RNF41: variants seen among roughly 807,000 people sequenced by gnomAD.
The protein encoded by RNF41 is ring finger protein 41.
A neutral mutation model predicts 33.0 loss-of-function variants in RNF41; 4 were observed. The ratio of observed to expected loss-of-function variants is 0.12; its 90% confidence interval spans 0.06 to 0.28. The LOEUF (loss-of-function observed/expected upper bound fraction) is 0.28. Among genes scored for constraint, RNF41 ranks in the 10% least tolerant of loss-of-function variants. RNF41 has a pLI of 1.00. For synonymous variants in RNF41, 164 were observed against 153.2 expected, an observed-to-expected ratio of 1.07 and a Z score of -0.52; for missense variants, 228 against 432.6, an observed-to-expected ratio of 0.53 and a Z score of 4.19.
intron 5 of RNF41, 119 bp from the exon 6 acceptor site, chr12:56,207,868 A>G: frequency 2.3e-6 from 2 of 854,710 alleles, no homozygotes; most frequent in East Asian, 2.4e-5. Flanking sequence ...TGTAAGCTTC[A>G]GGAAGACAGG....
intron 1 of RNF41, among the ~76,000 whole-genome samples, chr12:56,219,882 G>C (rs1398917146): frequency 1.3e-5 from 2 of 151,694 alleles, no homozygotes; most frequent in African/African-American, 4.8e-5. Flanking sequence ...GGGCATGATG[G>C]CGTGAGTGCC....
At chr12:56,213,087 G>A in intron 3 of RNF41, 1 of 1,289,658 alleles carries the variant, frequency 7.8e-7, no homozygotes, top group African/African-American at 1.5e-5. Context: ...CCTATTGAAG[G>A]TGGCAGCTTT....
intron 4 of RNF41, among the ~76,000 whole-genome samples, chr12:56,208,817 C>T (rs1030180262): frequency 2.6e-5 from 4 of 151,108 alleles, no homozygotes; most frequent in East Asian, 3.9e-4. Flanking sequence ...CTGCCCCCCT[C>T]GGCCTTCCAA....
At position 56,206,778 on chromosome 12, in the gene RNF41, G is replaced by A; in HGVS notation, c.623C>T (p.Pro208Leu). Residue 208 changes from proline to leucine, a missense_variant, in exon 7 of 7, where the codon CCA (proline) becomes CTA (leucine). Transcript: ENST00000345093. The surrounding 1 kb of genome is among the most constrained non-coding windows in gnomAD (Gnocchi z 5.7). ...EILEWVNSLQ[P>L]ARVTRWGGMI... Reference sequence around the variant, plus strand: ...CCCTCCCCAGCGGGTCACTCTTGCTGGCTGAAGGGAGTTCACCCACCTGTG... The same window carrying A: ...CCCTCCCCAGCGGGTCACTCTTGCTAGCTGAAGGGAGTTCACCCACCTGTG... 1 of 1,613,576 alleles carries A rather than the reference G, an allele frequency of 6.2e-7. No homozygotes were observed.
chr12:56,220,543 GC>G (rs1317425449), intron 1 of RNF41, among the ~76,000 whole-genome samples: 1 of 151,776 alleles, frequency 6.6e-6, no homozygotes, highest in African/African-American at 2.4e-5. Context: ...GACCAGCCTG[GC>G]CAACATGGTG....
Position 56,213,953 on chromosome 12 carries a change from C to A in RNF41, c.90+5G>T, listed in dbSNP as rs762457148. The A allele has an allele frequency of 1.4e-5, 23 of 1,606,756 alleles. No homozygotes were observed. Among genetic ancestry groups the A allele is most frequent in the Non-Finnish European group, 1.7e-5 (20 of 1,173,474 alleles). On this transcript the variant is annotated splice_donor_5th_base_variant and intron_variant, in intron 3 of 6. Coordinates refer to ENST00000345093, the MANE Select transcript of RNF41 (RefSeq NM_005785.4). ...CCCACCAAACCTGCCATCAGACCAA[C>A]TCACCTGTACTGGCTCCTCCAAGAC... is the stretch of plus-strand genomic sequence containing the variant.
In RNF41 at chr12:56,206,313, C is replaced by A; in HGVS notation, c.*134G>T. ...CAAACTACCCCAAGGCCCTTCAGTG[C>A]CAGAAGGGCAGGGAGATGTGTGGCT... is the stretch of plus-strand genomic sequence containing the variant. On this transcript the variant is annotated 3_prime_UTR_variant, in exon 7 of 7. Transcript: ENST00000345093. The surrounding 1 kb of genome is among the most constrained non-coding windows in gnomAD (Gnocchi z 5.7). 1.2e-6 allele frequency: 1 copy of A among 803,028 alleles called. No individual in the cohort carries two copies. 49.7% of individuals were successfully genotyped at this position (803,028 alleles called of 1,614,324 possible). A position where few individuals can be genotyped will look rare whatever the true frequency, so the allele number is the denominator to read the frequency against.
rs944676617 is a variant in RNF41, at chr12:56,212,811, T to G, written c.90+1147A>C. Among the ~76,000 whole-genome samples, 8 of 151,854 alleles carry G rather than the reference T, an allele frequency of 5.3e-5. No individual in the cohort carries two copies. In the East Asian group the frequency reaches 1.5e-3, roughly 29 times the overall value. On this transcript the variant is annotated intron_variant, in intron 3 of 6. Transcript: ENST00000345093. ...GAGCCCCTGGGAGTTAGGTGAGCAG[T>G]GAATGGGGGAAGGGCCATGAAACCT...
rs1387558577 is a variant in RNF41, at chr12:56,203,702, C to CTATTTTT, written c.*2744_*2745insAAAAATA. 1 of 27,392 alleles carries CTATTTTT rather than the reference C, an allele frequency of 3.7e-5. No individual in the cohort carries two copies. The highest frequency in any genetic ancestry group is 1.1e-4 in the Non-Finnish European group (1 of 8,712). The allele number at this position is 27,392 out of a possible 1,614,324, so 1.7% of individuals were successfully genotyped here. A position where few individuals can be genotyped will look rare whatever the true frequency, so the allele number is the denominator to read the frequency against. ...AGCCACCGTGCCCGGCCTATGAAGA[C>CTATTTTT]TTTTTTTTTTTTTTTTTTTTTTAGA... On this transcript the variant is annotated 3_prime_UTR_variant, in exon 7 of 7. Coordinates refer to ENST00000345093, the MANE Select transcript of RNF41 (RefSeq NM_005785.4).
In RNF41 at chr12:56,208,270, T is replaced by G; in HGVS notation, c.391A>C (p.Asn131His). 1 of 1,614,182 alleles carries G rather than the reference T, an allele frequency of 6.2e-7. No homozygotes were observed. Among genetic ancestry groups the G allele is most frequent in the Non-Finnish European group, 8.5e-7 (1 of 1,180,032 alleles). Residue 131 changes from asparagine (N) to histidine (H), a missense_variant, in exon 5 of 7, where the codon AAC becomes CAC. By Grantham distance (68) the Asn-to-His change is moderately conservative (BLOSUM62 1). Coordinates refer to ENST00000345093, the MANE Select transcript of RNF41 (RefSeq NM_005785.4). The part of the protein sequence containing the change: ...GLEMPKDELP[N>H]HNCIKHLRSV... The stretch of plus-strand genomic sequence containing the variant: ...CGCAGGTGCTTAATGCAGTTATGGT[T>G]GGGCAGCTCATCTTTGGGCATCTCC...
chr12:56,219,389 G>T (rs1189772301), intron 1 of RNF41, among the ~76,000 whole-genome samples: 9 of 151,150 alleles, frequency 6.0e-5, no homozygotes, highest in Non-Finnish European at 1.2e-4. Context: ...TAGAGACAGG[G>T]TTTCACCACG....
chr12:56,210,458 T>C lies in RNF41; in HGVS notation c.201A>G (p.Pro67=). Residue 67 remains proline, a synonymous_variant, in exon 4 of 7, where the codon CCA becomes CCG. Coordinates refer to ENST00000345093, the MANE Select transcript of RNF41 (RefSeq NM_005785.4). ...ACATGTTCCGCATGATCCGAGGTAC[T>C]GGGCGCAGATGGGCGACCGTCACAA... The part of the protein sequence containing the change: ...RSVVTVAHLR[P]VPRIMRNMLS... 1 of 1,614,200 alleles carries C rather than the reference T, an allele frequency of 6.2e-7. No individual in the cohort carries two copies. Among genetic ancestry groups the C allele is most frequent in the Non-Finnish European group, 8.5e-7 (1 of 1,180,040 alleles).
Position 56,206,949 on chromosome 12 carries a change from T to C in RNF41, c.603-151A>G. On this transcript the variant is annotated intron_variant, in intron 6 of 6. Coordinates refer to ENST00000345093, the MANE Select transcript of RNF41 (RefSeq NM_005785.4). The surrounding 1 kb of genome is among the most constrained non-coding windows in gnomAD (Gnocchi z 5.7). ...TCATTGGCTCAGAAACCCCAAATCT[T>C]TCCCCACTTGGTCCCAACTGAGTCA... 1.1e-6 allele frequency: 1 copy of C among 930,544 alleles called. No homozygotes were observed. Among genetic ancestry groups the C allele is most frequent in the Non-Finnish European group, 1.6e-6 (1 of 638,988 alleles). 57.6% of individuals were successfully genotyped at this position (930,544 alleles called of 1,614,324 possible).
rs1878635808 is a variant in RNF41 at position 56,202,538 on chromosome 12, G to A, written c.*3909C>T. On this transcript the variant is annotated 3_prime_UTR_variant, in exon 7 of 7. Transcript: ENST00000345093. ...GTGGGCATAACTGTATTCCAATAAA[G>A]TTTTTTACAAAAGCAGGCAGTGGGG... The A allele has an allele frequency of 6.6e-6, 1 of 152,162 alleles. No individual in the cohort carries two copies. 9.4% of individuals were successfully genotyped at this position (152,162 alleles called of 1,614,324 possible). A position where few individuals can be genotyped will look rare whatever the true frequency, so the allele number is the denominator to read the frequency against.
At chr12:56,214,121 T>C in intron 2 of RNF41, 51 bp from the exon 3 acceptor site, 1 of 941,542 alleles carries the variant, frequency 1.1e-6, no homozygotes, top group Non-Finnish European at 1.8e-6. Context: ...CCTACAAATA[T>C]GTGACAAACA....
Position 56,206,753 on chromosome 12 carries a change from C to T in RNF41, c.648G>A (p.Gly216=). Residue 216 remains glycine (G), a synonymous_variant, in exon 7 of 7, where the codon GGG becomes GGA. Transcript: ENST00000345093. This position sits in a 1 kb window ranked among gnomAD's most constrained non-coding sequence, Gnocchi z 5.7. Reference sequence around the variant, plus strand: ...GCACAGCATCAGGAGTCGAGATCATCCCTCCCCAGCGGGTCACTCTTGCTG... The same window carrying T: ...GCACAGCATCAGGAGTCGAGATCATTCCTCCCCAGCGGGTCACTCTTGCTG... ...LQPARVTRWG[G]MISTPDAVLQ... 6.2e-7 allele frequency: 1 copy of T among 1,614,094 alleles called. No homozygotes were observed. The highest frequency in any genetic ancestry group is 8.5e-7 in the Non-Finnish European group (1 of 1,179,986).
rs1878768635 is a variant in RNF41, at chr12:56,204,791, C to T, written c.*1656G>A. On this transcript the variant is annotated 3_prime_UTR_variant, in exon 7 of 7. Coordinates refer to ENST00000345093, the MANE Select transcript of RNF41 (RefSeq NM_005785.4). ...ACCCTACTCCCCTCAAGCTTTCCAC[C>T]CCAATCCCAGTGGAGCCATGATCCA... 6.5e-6 allele frequency: 1 copy of T among 152,702 alleles called. No individual in the cohort carries two copies. The highest frequency in any genetic ancestry group is 1.5e-5 in the Non-Finnish European group (1 of 68,128). 9.5% of individuals were successfully genotyped at this position (152,702 alleles called of 1,614,324 possible).
chr12:56,203,108 T>C lies in RNF41; in HGVS notation c.*3339A>G, dbSNP rs970920949. ...CTAGAGTATCAAGAGTACTATTAGG[T>C]TTACATCAGGTGCATGATAAATGCT... is the stretch of plus-strand genomic sequence containing the variant. On this transcript the variant is annotated 3_prime_UTR_variant, in exon 7 of 7. Transcript: ENST00000345093. 1 of 150,708 alleles carries C rather than the reference T, an allele frequency of 6.6e-6. No individual in the cohort carries two copies. Among genetic ancestry groups the C allele is most frequent in the Admixed American group, 6.7e-5 (1 of 15,036 alleles). The allele number at this position is 150,708 out of a possible 1,614,324, so 9.3% of individuals were successfully genotyped here.
chr12:56,215,152 G>T (rs937528899), intron 2 of RNF41, among the ~76,000 whole-genome samples: 5 of 152,164 alleles, frequency 3.3e-5, no homozygotes, highest in Admixed American at 6.6e-5. Context: ...AGTGATTCAA[G>T]AAAAGGCTGA....
Sources: allele counts gnomAD v4.1 joint callset (sites outside exome capture counted in the v4.1 genomes callset), GRCh38; gene constraint gnomAD v4.1.1; non-coding constraint Gnocchi (gnomAD v3.1); transcripts MANE v1.5; gene names NCBI Gene and HGNC (gene_info 2026-07-23, HGNC 2026-07-21).